The following FAM114A2 variants were observed in gnomAD, a reference collection of about 807,000 sequenced individuals.
FAM114A2 encodes protein FAM114A2.
A neutral mutation model predicts 58.4 loss-of-function variants in FAM114A2; 53 were observed. The observed-to-expected ratio is 0.91, with a 90% CI of 0.73 to 1.14. FAM114A2 has a LOEUF of 1.14. Among genes scored for constraint, FAM114A2 ranks in the 50% most tolerant of loss-of-function variants. The probability of loss-of-function intolerance (pLI) is 0.00; values close to 1 mark genes in which losing one functional copy is unlikely to be tolerated. For synonymous variants in FAM114A2, 228 were observed against 211.4 expected (o/e 1.08, Z -0.68); for missense variants, 601 against 581.1 (o/e 1.03, Z -0.35).
At chr5:154,016,732 C>A (rs77417768) in intron 8 of FAM114A2, among the ~76,000 whole-genome samples, 5 of 149,470 alleles carry the variant, frequency 3.3e-5, no homozygotes, top group Non-Finnish European at 7.4e-5. Flanking sequence ...AAAAAAAAAA[C>A]AAGGTGTACA....
rs1264282993 is a variant in FAM114A2 at position 154,033,855 on chromosome 5, C to T, written c.339G>A (p.Lys113=). Residue 113 remains lysine (K), a synonymous_variant, in exon 4 of 14, where the codon AAG becomes AAA. Transcript: ENST00000351797. ...CAGGGATTCCAAGGGAAGTCTCTGC[C>T]TTCTCGATGACATTTGAAATGCCTT... ...VGQGISNVIE[K]AETSLGIPGP... is the part of the protein sequence containing the mutation. The T allele has an allele frequency of 6.2e-7, 1 of 1,610,872 alleles. No individual in the cohort carries two copies. Among genetic ancestry groups the T allele is most frequent in the Admixed American group, 1.7e-5 (1 of 59,842 alleles).
At position 153,994,960 on chromosome 5, in the gene FAM114A2, C is replaced by T. The variant is rs1261585020; in HGVS notation, c.1342G>A (p.Ala448Thr). The change falls in exon 13 of 14, where the codon GCA becomes ACA. Residue 448 changes from alanine to threonine, a missense_variant. Ala to Thr is a moderately conservative substitution (Grantham distance 58). Transcript: ENST00000351797. ...CLTTAGVKEM[A>T]DVLNPLITAV... ...GTGATTAATGGGTTAAGGACATCTG[C>T]CATTTCTTTGACCTGGAATAACGAA... The T allele has an allele frequency of 6.2e-7, 1 of 1,609,108 alleles. No individual in the cohort carries two copies. Among genetic ancestry groups the T allele is most frequent in the South Asian group, 1.1e-5 (1 of 90,940 alleles).
chr5:153,998,710 T>C (rs1769753563), intron 11 of FAM114A2, among the ~76,000 whole-genome samples: 1 of 152,188 alleles, frequency 6.6e-6, no homozygotes, highest in Non-Finnish European at 1.5e-5. Flanking sequence ...CAGCCTCAGA[T>C]ATTCTGTTAC....
chr5:153,995,072 A>G (rs1769471035), intron 12 of FAM114A2, 100 bp from the exon 13 acceptor site: 1 of 748,022 alleles, frequency 1.3e-6, no homozygotes, highest in Non-Finnish European at 2.4e-6. Flanking sequence ...CCATACATAA[A>G]TATTAAATAT....
At chr5:154,025,085 T>C (rs1031250835) in intron 8 of FAM114A2, among the ~76,000 whole-genome samples, 15 of 152,320 alleles carry the variant, frequency 9.8e-5, no homozygotes, top group Middle Eastern at 3.4e-3. Context: ...GTGACTGTTA[T>C]CCTTTCAAGT....
At chr5:154,033,668 C>A in intron 4 of FAM114A2, 123 bp downstream of exon 4, 4 of 607,140 alleles carry the variant, frequency 6.6e-6, no homozygotes, top group Non-Finnish European at 1.2e-5. Context: ...TCTAAATACT[C>A]TTTCTCACTA....
intron 8 of FAM114A2, among the ~76,000 whole-genome samples, chr5:154,012,028 A>C (rs1770733027): frequency 6.6e-6 from 1 of 152,162 alleles, no homozygotes; most frequent in South Asian, 2.1e-4. Flanking sequence ...TCACATTTAA[A>C]TTTTAGAAAG....
intron 5 of FAM114A2, 118 bp from the exon 6 acceptor site, chr5:154,028,401 G>A (rs1771951398): frequency 1.5e-6 from 1 of 674,254 alleles, no homozygotes; most frequent in Non-Finnish European, 2.4e-6. Flanking sequence ...TGGCAAGAAT[G>A]TAAAGCAAAT....
chr5:154,007,256 C>A (rs1198628406), intron 9 of FAM114A2, among the ~76,000 whole-genome samples: 1 of 152,142 alleles, frequency 6.6e-6, no homozygotes, highest in Non-Finnish European at 1.5e-5. Flanking sequence ...TCTGGAACTT[C>A]CCACTTGTTG....
chr5:154,004,691 G>T (rs368915607), intron 9 of FAM114A2, among the ~76,000 whole-genome samples: 1 of 150,990 alleles, frequency 6.6e-6, no homozygotes, highest in Non-Finnish European at 1.5e-5. Flanking sequence ...CACCAAGATG[G>T]TCTGATTTTA....
At chr5:154,014,244 A>C (rs1770876613) in intron 8 of FAM114A2, among the ~76,000 whole-genome samples, 1 of 152,210 alleles carries the variant, frequency 6.6e-6, no homozygotes, top group African/African-American at 2.4e-5. Flanking sequence ...GCAGAACAGA[A>C]ATGGAAACAA....
intron 13 of FAM114A2, among the ~76,000 whole-genome samples, chr5:153,993,511 A>G (rs1437735221): frequency 6.6e-6 from 1 of 152,194 alleles, no homozygotes; most frequent in East Asian, 1.9e-4. Flanking sequence ...GCCCATTATG[A>G]TAGCTCTTTT....
Position 154,031,080 on chromosome 5 carries a change from G to T in FAM114A2, c.404-1500C>A, listed in dbSNP as rs145587577. 1.2e-3 allele frequency among the ~76,000 whole-genome samples: 181 copies of T among 152,084 alleles called. 6 individuals carry two copies. In the East Asian group the frequency reaches 0.031, roughly 26 times the overall value. On this transcript the variant is annotated intron_variant, in intron 4 of 13. Coordinates refer to ENST00000351797, the MANE Select transcript of FAM114A2 (RefSeq NM_018691.4). ...TAATCCCAGCACTTTGGGAGGCCGA[G>T]GCAAGAGGATCACTTGAGGTCAGGA...
chr5:154,015,583 C>G (rs777827256), intron 8 of FAM114A2, among the ~76,000 whole-genome samples: 1 of 152,120 alleles, frequency 6.6e-6, no homozygotes, highest in Non-Finnish European at 1.5e-5. Flanking sequence ...AAGGGTGCTA[C>G]GTCAAGGAAA....
At chr5:154,025,238 A>C (rs1581821041) in intron 8 of FAM114A2, among the ~76,000 whole-genome samples, 1 of 152,128 alleles carries the variant, frequency 6.6e-6, no homozygotes, top group Admixed American at 6.6e-5. Context: ...AAGATTTAAT[A>C]AAATTAATAA....
chr5:154,031,728 AG>A (rs1351664295), intron 4 of FAM114A2, among the ~76,000 whole-genome samples: 1 of 152,340 alleles, frequency 6.6e-6, no homozygotes, highest in East Asian at 1.9e-4. Context: ...GCTAGTCTTC[AG>A]AAAAAGACCA....
chr5:154,022,468 G>A (rs1771487230), intron 8 of FAM114A2, among the ~76,000 whole-genome samples: 1 of 152,120 alleles, frequency 6.6e-6, no homozygotes, highest in African/African-American at 2.4e-5. Flanking sequence ...ATCAAAAAGT[G>A]GGCAAAGGAT....
At chr5:154,009,391 A>T (rs947412437) in intron 9 of FAM114A2, among the ~76,000 whole-genome samples, 4 of 152,306 alleles carry the variant, frequency 2.6e-5, no homozygotes, top group Admixed American at 6.5e-5. Flanking sequence ...ATAACAAATT[A>T]AAAAAAGAAC....
At chr5:154,010,076 T>C (rs1770589359) in intron 9 of FAM114A2, among the ~76,000 whole-genome samples, 1 of 152,234 alleles carries the variant, frequency 6.6e-6, no homozygotes, top group African/African-American at 2.4e-5. Context: ...AGCAGACACA[T>C]ACTGAAACAT....
Sources: allele counts gnomAD v4.1 joint callset (sites outside exome capture counted in the v4.1 genomes callset), GRCh38; gene constraint gnomAD v4.1.1; transcripts MANE v1.5; gene names NCBI Gene and HGNC (gene_info 2026-07-23, HGNC 2026-07-21).